The following PRCC variants were observed in gnomAD, a reference collection of about 807,000 sequenced individuals.
PRCC encodes proline-rich protein PRCC.
PRCC carries 10 observed loss-of-function variants against 44.0 expected under a neutral mutation model. That is an observed-to-expected ratio of 0.23 (90% CI 0.14 to 0.39). PRCC has a LOEUF of 0.39. Ranked by LOEUF, PRCC falls within the 10% of genes least tolerant of loss-of-function variation. The pLI, the probability that PRCC is intolerant of heterozygous loss-of-function variation, is 1.00. For synonymous variants in PRCC, 278 were observed against 259.5 expected (o/e 1.07, Z -0.69); for missense variants, 573 against 624.7 (o/e 0.92, Z 0.88).
intron 3 of PRCC, 86 bp from the exon 4 acceptor site, chr1:156,791,611 C>T (rs1218209108): frequency 1.6e-6 from 2 of 1,265,866 alleles, no homozygotes; most frequent in Admixed American, 2.3e-5. Flanking sequence ...TCTTTGATGA[C>T]AATTTTCTGT....
At chr1:156,798,063 T>C (rs1311825631) in intron 6 of PRCC, among the ~76,000 whole-genome samples, 1 of 151,512 alleles carries the variant, frequency 6.6e-6, no homozygotes, top group African/African-American at 2.4e-5. Context: ...CCTACCTCAG[T>C]CTCCTAAGTA....
At chr1:156,798,210 T>A (rs533084779) in intron 6 of PRCC, among the ~76,000 whole-genome samples, 1 of 152,360 alleles carries the variant, frequency 6.6e-6, no homozygotes, top group East Asian at 1.9e-4. Flanking sequence ...TGCCTACTGT[T>A]GACCAGAATC....
intron 1 of PRCC, among the ~76,000 whole-genome samples, chr1:156,773,901 G>A (rs1651721462): frequency 6.6e-6 from 1 of 152,118 alleles, no homozygotes; most frequent in Non-Finnish European, 1.5e-5. Flanking sequence ...CACACGTTAG[G>A]ATATTATTCA....
At chr1:156,783,661 G>A (rs551019648) in intron 2 of PRCC, among the ~76,000 whole-genome samples, 5 of 152,100 alleles carry the variant, frequency 3.3e-5, no homozygotes, top group South Asian at 2.1e-4. Context: ...CAGGAGAATC[G>A]CTTGAACCCG....
chr1:156,781,479 A>T (rs1652049165), intron 1 of PRCC, among the ~76,000 whole-genome samples: 1 of 152,242 alleles, frequency 6.6e-6, no homozygotes, highest in South Asian at 2.1e-4. Flanking sequence ...GGCTGGGGGA[A>T]TAATTTTTTG....
chr1:156,781,012 G>A (rs1484024337), intron 1 of PRCC, among the ~76,000 whole-genome samples: 1 of 152,172 alleles, frequency 6.6e-6, no homozygotes, highest in African/African-American at 2.4e-5. Context: ...ACAGGTGTGA[G>A]CCACTGCGCC....
At chr1:156,783,024 C>A (rs1054375239) in intron 2 of PRCC, among the ~76,000 whole-genome samples, 1 of 152,192 alleles carries the variant, frequency 6.6e-6, no homozygotes, top group Admixed American at 6.5e-5. Flanking sequence ...CCTGCCTTAG[C>A]CTTCCGAGTA....
intron 1 of PRCC, among the ~76,000 whole-genome samples, chr1:156,773,526 G>A (rs1372624038): frequency 6.6e-6 from 1 of 152,118 alleles, no homozygotes; most frequent in Non-Finnish European, 1.5e-5. Flanking sequence ...ACCAATGTGT[G>A]CCTATTGTGG....
chr1:156,781,365 G>A (rs1652044784), intron 1 of PRCC, among the ~76,000 whole-genome samples: 1 of 152,216 alleles, frequency 6.6e-6, no homozygotes, highest in South Asian at 2.1e-4. Flanking sequence ...AGTTCTCACA[G>A]AATCTTGGAG....
chr1:156,782,259 T>TA, intron 1 of PRCC, 23 bp from the exon 2 acceptor site: 1 of 1,583,948 alleles, frequency 6.3e-7, no homozygotes, highest in Non-Finnish European at 8.7e-7. Context: ...AGTGAGGCCT[T>TA]ACTTCATTTC....
intron 4 of PRCC, among the ~76,000 whole-genome samples, chr1:156,793,464 C>A (rs746600084): frequency 6.6e-6 from 1 of 150,926 alleles, no homozygotes; most frequent in African/African-American, 2.4e-5. Context: ...AAGAGGAAGG[C>A]GTAGCAGTGT....
At chr1:156,797,196 C>A in intron 5 of PRCC, 80 bp from the exon 6 acceptor site, 1 of 1,584,438 alleles carries the variant, frequency 6.3e-7, no homozygotes, top group South Asian at 1.1e-5. Flanking sequence ...TTCTCAGCCC[C>A]TAACACCACA....
At position 156,786,851 on chromosome 1, in the gene PRCC, C is replaced by T; in HGVS notation, c.760C>T (p.Leu254=). The T allele has an allele frequency of 6.2e-7, 1 of 1,614,230 alleles. No individual in the cohort carries two copies. The highest frequency in any genetic ancestry group is 8.5e-7 in the Non-Finnish European group (1 of 1,180,026). ...CAAGGCTGCTGCCAAGAGTGCTGCC[C>T]TGCAGGTGACAAAGCAGATCACGCA... ...AIKAAAKSAA[L]QVTKQITQEE... is the part of the protein sequence containing the mutation. Residue 254 remains leucine (L), a synonymous_variant, in exon 3 of 7, where the codon CTG becomes TTG. Transcript: ENST00000271526.
In PRCC at chr1:156,791,681, T is replaced by C; in HGVS notation, c.1084-16T>C. 1 of 1,606,150 alleles carries C rather than the reference T, an allele frequency of 6.2e-7. No individual in the cohort carries two copies. Among genetic ancestry groups the C allele is most frequent in the Non-Finnish European group, 8.5e-7 (1 of 1,176,410 alleles). On this transcript the variant is annotated splice_polypyrimidine_tract_variant and intron_variant, in intron 3 of 6. Transcript: ENST00000271526. The stretch of plus-strand genomic sequence containing the variant: ...TGCCCTCAGTTGGTGTGTTTTTCTT[T>C]CCTGTTTGGCTGCAGGATTATTACA...
intron 2 of PRCC, among the ~76,000 whole-genome samples, chr1:156,783,068 C>G (rs183364756): frequency 0.013 from 1,979 of 152,206 alleles, 19 homozygotes; most frequent in Non-Finnish European, 0.019. Context: ...CCACACCCGG[C>G]TAATTTTGTA....
At position 156,768,011 on chromosome 1, in the gene PRCC, T is replaced by C. The variant is rs1203085549; in HGVS notation, c.240T>C (p.Pro80=). Residue 80 remains proline (P), a synonymous_variant, in exon 1 of 7, where the codon CCT becomes CCC. Coordinates refer to ENST00000271526, the MANE Select transcript of PRCC (RefSeq NM_005973.5). ...CCGGAGACCCCAGGCTTCAGCCTCC[T>C]CCCCCCTTGCCCTTCGGCCTGGGAG... is the stretch of plus-strand genomic sequence containing the variant. ...PPTGDPRLQP[P]PPLPFGLGGF... The C allele has an allele frequency of 1.3e-6, 2 of 1,489,362 alleles. No individual in the cohort carries two copies. Among genetic ancestry groups the C allele is most frequent in the South Asian group, 2.4e-5 (2 of 84,650 alleles). The allele number at this position is 1,489,362 out of a possible 1,614,324, so 92.3% of individuals were successfully genotyped here. A position where few individuals can be genotyped will look rare whatever the true frequency, so the allele number is the denominator to read the frequency against.
At chr1:156,769,724 C>T (rs1335375896) in intron 1 of PRCC, among the ~76,000 whole-genome samples, 2 of 143,124 alleles carry the variant, frequency 1.4e-5, no homozygotes, top group South Asian at 2.1e-4. Flanking sequence ...CTCAGCCTCT[C>T]GAGTAGCTGG....
chr1:156,794,039 C>A (rs1652579643), intron 4 of PRCC, among the ~76,000 whole-genome samples: 1 of 149,252 alleles, frequency 6.7e-6, no homozygotes, highest in South Asian at 2.1e-4. Context: ...CTCTCTGCAA[C>A]CTCTGCCTCC....
At chr1:156,777,204 G>T (rs1481947358) in intron 1 of PRCC, among the ~76,000 whole-genome samples, 1 of 152,070 alleles carries the variant, frequency 6.6e-6, no homozygotes, top group Non-Finnish European at 1.5e-5. Flanking sequence ...CAGCTGTGTC[G>T]TGTGGGATCT....
Sources: allele counts gnomAD v4.1 joint callset (sites outside exome capture counted in the v4.1 genomes callset), GRCh38; gene constraint gnomAD v4.1.1; transcripts MANE v1.5; gene names NCBI Gene and HGNC (gene_info 2026-07-23, HGNC 2026-07-21).